MOB4: variants seen among roughly 807,000 people sequenced by gnomAD.
MOB4 encodes the protein MOB-like protein phocein.
A neutral mutation model predicts 32.2 loss-of-function variants in MOB4; 4 were observed. That is an observed-to-expected ratio of 0.12 (90% CI 0.06 to 0.28). MOB4 has a LOEUF of 0.28. Ranked by LOEUF, MOB4 falls within the 10% of genes least tolerant of loss-of-function variation. The probability of loss-of-function intolerance (pLI) is 1.00; values close to 1 mark genes in which losing one functional copy is unlikely to be tolerated. For missense variants in MOB4, 158 were observed against 271.2 expected (o/e 0.58, Z 2.93); for synonymous variants, 88 against 88.1 (o/e 1.00, Z 0.01).
chr2:197,540,190 T>G (rs2086872997), intron 4 of MOB4, 37 bp downstream of exon 4: 3 of 1,591,340 alleles, frequency 1.9e-6, no homozygotes, highest in East Asian at 4.5e-5. Flanking sequence ...TAATTGAAAG[T>G]TCTGATTTTT....
chr2:197,546,878 T>A (rs1169185167), intron 5 of MOB4, among the ~76,000 whole-genome samples: 1 of 152,188 alleles, frequency 6.6e-6, no homozygotes, highest in Non-Finnish European at 1.5e-5. Flanking sequence ...AACAGTCGAT[T>A]AACACACATT....
At chr2:197,521,237 A>G (rs900043847) in intron 1 of MOB4, among the ~76,000 whole-genome samples, 3 of 152,202 alleles carry the variant, frequency 2.0e-5, no homozygotes, top group African/African-American at 7.2e-5. Context: ...CGGGGGAGAC[A>G]TCACATGTCG....
At position 197,540,367 on chromosome 2, in the gene MOB4, A is replaced by G; in HGVS notation, c.284A>G (p.Asp95Gly). 6.3e-7 allele frequency: 1 copy of G among 1,583,788 alleles called. No individual in the cohort carries two copies. The highest frequency in any genetic ancestry group is 8.6e-7 in the Non-Finnish European group (1 of 1,169,502). The change falls in exon 5 of 8, where the codon GAT becomes GGT. Residue 95 changes from aspartate (D) to glycine (G), a missense_variant. Transcript: ENST00000323303. The part of the protein sequence containing the change: ...AVKLQSECHP[D>G]TCTQMTATEQ... ...TTTTAACAGAGTGAATGCCATCCAG[A>G]TACTTGCACTCAAATGACAGCAACT...
chr2:197,541,802 C>A (rs1224946343), intron 5 of MOB4, among the ~76,000 whole-genome samples: 1 of 151,304 alleles, frequency 6.6e-6, no homozygotes, highest in Non-Finnish European at 1.5e-5. Flanking sequence ...GCCTGTAGTC[C>A]CAGCTACTTG....
At chr2:197,518,089 C>T (rs1396708422) in intron 1 of MOB4, among the ~76,000 whole-genome samples, 3 of 151,532 alleles carry the variant, frequency 2.0e-5, no homozygotes, top group Admixed American at 6.6e-5. Flanking sequence ...TGCAGTGAGC[C>T]GGAATCGCGC....
intron 2 of MOB4, among the ~76,000 whole-genome samples, chr2:197,528,190 T>A (rs1407388984): frequency 6.6e-6 from 1 of 152,218 alleles, no homozygotes; most frequent in Non-Finnish European, 1.5e-5. Context: ...ACCTACCGTT[T>A]TATTACTTTT....
intron 1 of MOB4, chr2:197,516,381 T>G: frequency 7.1e-7 from 1 of 1,413,042 alleles, no homozygotes; most frequent in Middle Eastern, 2.7e-4. Flanking sequence ...GGGTGGGGTC[T>G]GCTGGTGGTA....
At chr2:197,534,967 T>C (rs2086772828) in intron 2 of MOB4, among the ~76,000 whole-genome samples, 1 of 152,310 alleles carries the variant, frequency 6.6e-6, no homozygotes, top group Admixed American at 6.5e-5. Context: ...CCTGTCTCAA[T>C]AGATTTTCTT....
intron 2 of MOB4, among the ~76,000 whole-genome samples, chr2:197,530,114 C>T (rs1001187410): frequency 1.3e-5 from 2 of 152,020 alleles, no homozygotes; most frequent in East Asian, 1.9e-4. Context: ...GGATAACAGG[C>T]GCCTGCCACC....
intron 5 of MOB4, among the ~76,000 whole-genome samples, chr2:197,546,169 C>T (rs1366283436): frequency 2.0e-5 from 3 of 152,090 alleles, no homozygotes; most frequent in African/African-American, 4.8e-5. Context: ...TCTTGCCATT[C>T]TCCTGCCTCA....
intron 2 of MOB4, among the ~76,000 whole-genome samples, chr2:197,527,213 C>T (rs1040665978): frequency 6.6e-6 from 1 of 152,060 alleles, no homozygotes; most frequent in African/African-American, 2.4e-5. Context: ...GAGATTGCCT[C>T]GTATCTCTAG....
chr2:197,552,697 A>G lies in MOB4; in HGVS notation c.*2051A>G, dbSNP rs1395106274. 3 of 152,362 alleles carry G rather than the reference A, an allele frequency of 2.0e-5. No individual in the cohort carries two copies. Among genetic ancestry groups the G allele is most frequent in the Non-Finnish European group, 4.4e-5 (3 of 68,050 alleles). The allele number at this position is 152,362 out of a possible 1,614,324, so 9.4% of individuals were successfully genotyped here. On this transcript the variant is annotated 3_prime_UTR_variant, in exon 8 of 8. Coordinates refer to ENST00000323303, the MANE Select transcript of MOB4 (RefSeq NM_015387.5). ...AAGTTGATTCACTACTATACTAGGT[A>G]AGACCTAAGTGAAACAGTTCCTGTT...
chr2:197,550,842 A>C lies in MOB4; in HGVS notation c.*196A>C. The C allele has an allele frequency of 2.2e-6, 1 of 452,322 alleles. No homozygotes were observed. Among genetic ancestry groups the C allele is most frequent in the African/African-American group, 2.0e-5 (1 of 49,192 alleles). 28.0% of individuals were successfully genotyped at this position (452,322 alleles called of 1,614,324 possible). A position where few individuals can be genotyped will look rare whatever the true frequency, so the allele number is the denominator to read the frequency against. ...CTGTATATTCACCAGTGTGGCACTC[A>C]TGGTTTTTAAATAAGATTAGTATTA... On this transcript the variant is annotated 3_prime_UTR_variant, in exon 8 of 8. Coordinates refer to ENST00000323303, the MANE Select transcript of MOB4 (RefSeq NM_015387.5).
intron 2 of MOB4, among the ~76,000 whole-genome samples, chr2:197,524,824 G>A (rs1012941569): frequency 6.6e-6 from 1 of 151,626 alleles, no homozygotes; most frequent in African/African-American, 2.4e-5. Flanking sequence ...AGGCTGGAGT[G>A]CAGTGGCTCA....
chr2:197,550,421 T>C (rs751496773), intron 7 of MOB4, 35 bp downstream of exon 7: 11 of 1,607,648 alleles, frequency 6.8e-6, no homozygotes, highest in Middle Eastern at 1.7e-4. Context: ...TGATGCATTC[T>C]TATCAGTGTA....
At chr2:197,515,957 C>T, upstream of MOB4, 2 of 935,058 alleles carry the variant, frequency 2.1e-6, no homozygotes, top group African/African-American at 1.7e-5. Flanking sequence ...CGGCTCCCGG[C>T]GCAGGCTGCA....
chr2:197,538,998 G>A (rs1052384734), intron 3 of MOB4, among the ~76,000 whole-genome samples: 1 of 152,148 alleles, frequency 6.6e-6, no homozygotes, highest in Non-Finnish European at 1.5e-5. Flanking sequence ...CAGTAAGTAA[G>A]TAAATGAAGT....
chr2:197,528,741 G>A (rs1229030402), intron 2 of MOB4, among the ~76,000 whole-genome samples: 4 of 149,764 alleles, frequency 2.7e-5, no homozygotes, highest in East Asian at 4.0e-4. Flanking sequence ...TCAGCCTCCC[G>A]AGTAGCTGGG....
intron 3 of MOB4, among the ~76,000 whole-genome samples, chr2:197,537,465 A>G (rs995080972): frequency 4.6e-5 from 7 of 152,174 alleles, no homozygotes; most frequent in Admixed American, 6.5e-5. Context: ...TGTGTGCCTC[A>G]ACTTGTAGAC....
Sources: gnomAD v4.1 joint callset for allele counts (sites outside exome capture counted in the v4.1 genomes callset) on GRCh38, gnomAD v4.1.1 for gene constraint, MANE v1.5 for transcripts, NCBI Gene and HGNC (gene_info 2026-07-23, HGNC 2026-07-21) for gene names.